Variants in TNFRSF1A observed in about 807,000 individuals in gnomAD.
TNFRSF1A encodes the protein tumor necrosis factor receptor superfamily member 1A.
Under a neutral mutation model 41.6 loss-of-function variants are expected in TNFRSF1A, and 9 were observed. The observed-to-expected ratio is 0.22, with a 90% CI of 0.13 to 0.38. The LOEUF is 0.38. Among genes scored for constraint, TNFRSF1A ranks in the 10% least tolerant of loss-of-function variants. The pLI is 1.00. For missense variants in TNFRSF1A, 463 were observed against 591.5 expected (o/e 0.78, Z 2.25); for synonymous variants, 254 against 248.6 (o/e 1.02, Z -0.21).
Position 6,333,584 on chromosome 12 carries a change from C to A in TNFRSF1A, c.323-68G>T, listed in dbSNP as rs987293135. 1 of 1,608,806 alleles carries A rather than the reference C, an allele frequency of 6.2e-7. No individual in the cohort carries two copies. Among genetic ancestry groups the A allele is most frequent in the Non-Finnish European group, 8.5e-7 (1 of 1,176,888 alleles). ...GTCCCTGCATCCCCTTCCTGACATA[C>A]CCCTAAGTGTGTGTCTCTGTAATAC... On this transcript the variant is annotated intron_variant, in intron 3 of 9. Coordinates refer to ENST00000162749, the MANE Select transcript of TNFRSF1A (RefSeq NM_001065.4). The surrounding 1 kb of genome is among the most constrained non-coding windows in gnomAD (Gnocchi z 6.3).
rs750596789 is a variant in TNFRSF1A at position 6,330,967 on chromosome 12, T to C, written c.552-41A>G. 1.3e-6 allele frequency: 2 copies of C among 1,556,750 alleles called. No individual in the cohort carries two copies. Among genetic ancestry groups the C allele is most frequent in the South Asian group, 2.2e-5 (2 of 89,310 alleles). Reference sequence around the variant, plus strand: ...GCACTGGTGAACAGAGGCCCTACCATTGGAGGAACACAGAAAAACAACCAC... The same window carrying C: ...GCACTGGTGAACAGAGGCCCTACCACTGGAGGAACACAGAAAAACAACCAC... On this transcript the variant is annotated intron_variant, in intron 5 of 9. Transcript: ENST00000162749.
rs1948188136 is a variant in TNFRSF1A, at chr12:6,341,035, A to G, written c.39+741T>C. Among the ~76,000 whole-genome samples, 1 of 152,164 alleles carries G rather than the reference A, an allele frequency of 6.6e-6. No individual in the cohort carries two copies. Among genetic ancestry groups the G allele is most frequent in the South Asian group, 2.1e-4 (1 of 4,836 alleles). On this transcript the variant is annotated intron_variant, in intron 1 of 9. Coordinates refer to ENST00000162749, the MANE Select transcript of TNFRSF1A (RefSeq NM_001065.4). This position sits in a 1 kb window ranked among gnomAD's most constrained non-coding sequence, Gnocchi z 4.6. ...CCAGGGACACTGACCAGGTGGGGGT[A>G]GGACTAGCTCCCTGGGAAGGCTCAG...
chr12:6,336,938 C>T (rs1222791580), intron 1 of TNFRSF1A, among the ~76,000 whole-genome samples: 2 of 152,200 alleles, frequency 1.3e-5, no homozygotes, highest in Admixed American at 6.5e-5. Context: ...CCAGACAATC[C>T]TTAGGAAACA....
chr12:6,338,070 C>A (rs2136828697), intron 1 of TNFRSF1A, among the ~76,000 whole-genome samples: 1 of 152,252 alleles, frequency 6.6e-6, no homozygotes, highest in African/African-American at 2.4e-5. Context: ...CTTTTGAGAA[C>A]CACTGATGAG....
At position 6,334,118 on chromosome 12, in the gene TNFRSF1A, A is replaced by T. The variant is rs770344578; in HGVS notation, c.166T>A (p.Ser56Thr). ...QGKYIHPQNN[S>T]ICCTKCHKGT... ...TTGTGGCACTTGGTACAGCAAATCG[A>T]ATTATTTTGAGGGTGGATATATTTT... The change falls in exon 2 of 10, where the codon TCG becomes ACG. Residue 56 changes from serine to threonine, a missense_variant. By Grantham distance (58) the Ser-to-Thr change is moderately conservative (BLOSUM62 1). This residue lies in a region of TNFRSF1A where 149 missense variants were observed against 239.4 expected (regional missense o/e 0.62). Transcript: ENST00000162749. This position sits in a 1 kb window ranked among gnomAD's most constrained non-coding sequence, Gnocchi z 5.1. 1.2e-6 allele frequency: 2 copies of T among 1,614,106 alleles called. No individual in the cohort carries two copies. Among genetic ancestry groups the T allele is most frequent in the South Asian group, 2.2e-5 (2 of 91,090 alleles).
chr12:6,335,950 C>T (rs879895370), intron 1 of TNFRSF1A, among the ~76,000 whole-genome samples: 1 of 152,234 alleles, frequency 6.6e-6, no homozygotes, highest in African/African-American at 2.4e-5. Flanking sequence ...CCTTCCCCTG[C>T]CCGCACCAGC....
Position 6,339,849 on chromosome 12 carries a change from A to T in TNFRSF1A, c.39+1927T>A, listed in dbSNP as rs999025179. 1.6e-3 allele frequency among the ~76,000 whole-genome samples: 240 copies of T among 149,880 alleles called. 1 individual carries two copies. Among genetic ancestry groups the T allele is most frequent in the South Asian group, 5.1e-3 (24 of 4,750 alleles). ...CTCTCTCTCTCTCTCTCTCACACAC[A>T]CACACACACACACACACACACACAC... On this transcript the variant is annotated intron_variant, in intron 1 of 9. Transcript: ENST00000162749.
At chr12:6,335,036 A>G (rs548366894) in intron 1 of TNFRSF1A, among the ~76,000 whole-genome samples, 1 of 152,304 alleles carries the variant, frequency 6.6e-6, no homozygotes, top group Non-Finnish European at 1.5e-5. Context: ...TCCCAGGAAT[A>G]TGTTACACCA....
Position 6,330,080 on chromosome 12 carries a change from G to A in TNFRSF1A, c.769-14C>T. 6.2e-7 allele frequency: 1 copy of A among 1,612,700 alleles called. No individual in the cohort carries two copies. Among genetic ancestry groups the A allele is most frequent in the South Asian group, 1.1e-5 (1 of 91,074 alleles). ...TTCAAGCTCCCCCTGAAAGAGAGAA[G>A]GTGGCGCAGCATTAGTGCGGCAGCG... On this transcript the variant is annotated splice_polypyrimidine_tract_variant and intron_variant, in intron 8 of 9. Transcript: ENST00000162749.
intron 5 of TNFRSF1A, 117 bp from the exon 6 acceptor site, chr12:6,331,043 A>C (rs996475271): frequency 1.1e-6 from 1 of 873,018 alleles, no homozygotes. Context: ...GTCTCTTGAT[A>C]TAATTTGTTT....
chr12:6,329,957 A>G lies in TNFRSF1A; in HGVS notation c.878T>C (p.Phe293Ser), dbSNP rs1948018092. ...GGGGGTATAGGTGGAGCTGGAGGTGAAGGTGGAACTGGGCACGGGACTGAA... is the reference window on the plus strand; with the variant it reads ...GGGGGTATAGGTGGAGCTGGAGGTGGAGGTGGAACTGGGCACGGGACTGAA... ...LGFSPVPSSTFTSSSTYTPGD... is the reference protein window; with the variant it reads ...LGFSPVPSSTSTSSSTYTPGD... The change falls in exon 9 of 10, where the codon TTC becomes TCC. Residue 293 changes from phenylalanine to serine, a missense_variant. Physicochemically the swap from Phe to Ser is radical, Grantham distance 155 (BLOSUM62 -2). This residue lies in a region of TNFRSF1A where 277 missense variants were observed against 288.8 expected (regional missense o/e 0.96). Transcript: ENST00000162749. 4 of 1,578,070 alleles carry G rather than the reference A, an allele frequency of 2.5e-6. No homozygotes were observed. The African/African-American group carries it at 5.4e-5, about 21-fold the overall frequency.
chr12:6,331,446 G>A (rs902037393), intron 5 of TNFRSF1A: 12 of 213,434 alleles, frequency 5.6e-5, no homozygotes, highest in East Asian at 2.4e-4. Flanking sequence ...ACCTGACTTC[G>A]GGGAGTCGGG....
rs373163976 is a variant in TNFRSF1A at position 6,333,677 on chromosome 12, T to G, written c.322+60A>C. On this transcript the variant is annotated intron_variant, in intron 3 of 9. Transcript: ENST00000162749. This position sits in a 1 kb window ranked among gnomAD's most constrained non-coding sequence, Gnocchi z 6.3. ...CTGCCCACACCCACCAGCCTGCACATAGACAGGCACCCACACACCACTCAA... is the reference window on the plus strand; with the variant it reads ...CTGCCCACACCCACCAGCCTGCACAGAGACAGGCACCCACACACCACTCAA... 3.8e-6 allele frequency: 6 copies of G among 1,561,060 alleles called. No individual in the cohort carries two copies. Among genetic ancestry groups the G allele is most frequent in the Admixed American group, 3.9e-5 (2 of 51,810 alleles).
At chr12:6,332,822 T>TGAGTTGGAATCCAAG (rs1205869223) in intron 5 of TNFRSF1A, among the ~76,000 whole-genome samples, 1 of 152,212 alleles carries the variant, frequency 6.6e-6, no homozygotes, top group Non-Finnish European at 1.5e-5. Context: ...TCCAAGAATC[T>TGAGTTGGAATCCAAG]ACATATCTGA....
At position 6,333,232 on chromosome 12, in the gene TNFRSF1A, G is replaced by T. The variant is rs763751006; in HGVS notation, c.473-85C>A. 9 of 1,555,554 alleles carry T rather than the reference G, an allele frequency of 5.8e-6. No homozygotes were observed. Among genetic ancestry groups the T allele is most frequent in the Non-Finnish European group, 7.1e-6 (8 of 1,133,880 alleles). On this transcript the variant is annotated intron_variant, in intron 4 of 9. Transcript: ENST00000162749. The surrounding 1 kb of genome is among the most constrained non-coding windows in gnomAD (Gnocchi z 6.3). ...CAGAGGAAGTGACGAGGGACAGGGT[G>T]GGGGCGGCCAGAGAGGAGTTGGTTG...
Position 6,339,839 on chromosome 12 carries a change from T to A in TNFRSF1A, c.39+1937A>T, listed in dbSNP as rs377291041. ...ACTTCTCTCTCTCTCTCTCTCTCTC[T>A]CTCACACACACACACACACACACAC... On this transcript the variant is annotated intron_variant, in intron 1 of 9. Transcript: ENST00000162749. Among the ~76,000 whole-genome samples the A allele has an allele frequency of 5.2e-3, 627 of 120,836 alleles. 3 individuals carry two copies. Among genetic ancestry groups the A allele is most frequent in the Non-Finnish European group, 6.9e-3 (374 of 54,156 alleles). The allele number at this position is 120,836 out of a possible 152,430, so 79.3% of individuals were successfully genotyped here.
chr12:6,332,969 G>T, intron 5 of TNFRSF1A, 100 bp downstream of exon 5: 1 of 1,075,404 alleles, frequency 9.3e-7, no homozygotes, highest in East Asian at 2.4e-5. Context: ...TGAGCACTCT[G>T]GGGCATCCTG....
At position 6,333,047 on chromosome 12, in the gene TNFRSF1A, A is replaced by G. The variant is rs199875984; in HGVS notation, c.551+22T>C. The G allele has an allele frequency of 1.1e-4, 181 of 1,610,522 alleles. No homozygotes were observed. Among genetic ancestry groups the G allele is most frequent in the Non-Finnish European group, 1.5e-4 (179 of 1,177,130 alleles). On this transcript the variant is annotated intron_variant, in intron 5 of 9. Coordinates refer to ENST00000162749, the MANE Select transcript of TNFRSF1A (RefSeq NM_001065.4). The surrounding 1 kb of genome is among the most constrained non-coding windows in gnomAD (Gnocchi z 6.3). ...CAACCCATGCCACCATCCAGTGCCC[A>G]GCAGCTCTCAGAGATACTCACTTAC...
intron 5 of TNFRSF1A, chr12:6,332,001 A>AG: frequency 2.8e-5 from 1 of 35,594 alleles, no homozygotes; most frequent in Non-Finnish European, 4.9e-5. Context: ...ACTCTGTGTC[A>AG]AAAAAAAAAA....
Sources: allele counts gnomAD v4.1 joint callset (sites outside exome capture counted in the v4.1 genomes callset), GRCh38; gene constraint gnomAD v4.1.1; regional missense constraint gnomAD v4.1.1; non-coding constraint Gnocchi (gnomAD v3.1); transcripts MANE v1.5; gene names NCBI Gene and HGNC (gene_info 2026-07-23, HGNC 2026-07-21).